Variants in LINGO1 observed in about 807,000 individuals in gnomAD.
LINGO1 encodes leucine-rich repeat and immunoglobulin-like domain-containing nogo receptor-interacting protein 1.
In LINGO1, 11 loss-of-function variants were observed where a neutral mutation model predicts 37.3. The observed-to-expected ratio is 0.29, with a 90% confidence interval of 0.19 to 0.49. LINGO1 has a LOEUF of 0.49. Among genes scored for constraint, LINGO1 ranks in the 20% least tolerant of loss-of-function variants. The pLI, the probability that LINGO1 is intolerant of heterozygous loss-of-function variation, is 0.99. For synonymous variants in LINGO1, 387 were observed against 403.0 expected (o/e 0.96, Z 0.48); for missense variants, 585 against 878.2 (o/e 0.67, Z 4.22).
rs1486088482 is a variant in LINGO1 at position 77,664,158 on chromosome 15, T to C, written c.-13+12931A>G. Reference sequence around the variant, plus strand: ...GTGTGTGTGTGTGTGTGTGTGTGTGTGTGTGTGTGTGTGCGCGCGCGCATG... The same window carrying C: ...GTGTGTGTGTGTGTGTGTGTGTGTGCGTGTGTGTGTGTGCGCGCGCGCATG... On this transcript the variant is annotated intron_variant, in intron 3 of 3. Transcript: ENST00000559893. Among the ~76,000 whole-genome samples the C allele has an allele frequency of 3.1e-3, 380 of 120,748 alleles. 1 individual carries two copies. The highest frequency in any genetic ancestry group is 3.4e-3 in the Non-Finnish European group (187 of 54,458). 79.2% of individuals were successfully genotyped at this position (120,748 alleles called of 152,430 possible). A position where few individuals can be genotyped will look rare whatever the true frequency, so the allele number is the denominator to read the frequency against.
At chr15:77,789,739 C>T (rs1223723295), upstream of LINGO1, among the ~76,000 whole-genome samples, 1 of 152,188 alleles carries the variant, frequency 6.6e-6, no homozygotes, top group Non-Finnish European at 1.5e-5. Flanking sequence ...TCCTTCACAG[C>T]CTTTGGAGGC....
At chr15:77,652,367 T>A (rs768504499) in intron 3 of LINGO1, 1 of 152,040 alleles carries the variant, frequency 6.6e-6, no homozygotes, top group Admixed American at 6.5e-5. Flanking sequence ...CTTGAAAGCG[T>A]CTCTGGGGCT....
At chr15:77,724,055 T>C (rs188994124) in intron 2 of LINGO1, among the ~76,000 whole-genome samples, 20 of 152,234 alleles carry the variant, frequency 1.3e-4, no homozygotes, top group Admixed American at 7.8e-4. Flanking sequence ...GGGCTATATA[T>C]AGTGGGCACA....
At chr15:77,734,210 A>G (rs1054234253) in intron 2 of LINGO1, among the ~76,000 whole-genome samples, 5 of 152,000 alleles carry the variant, frequency 3.3e-5, no homozygotes, top group Admixed American at 6.6e-5. Flanking sequence ...CGTCTCCCCA[A>G]CTTCACACCC....
chr15:77,686,244 C>T (rs2075508570), intron 2 of LINGO1, among the ~76,000 whole-genome samples: 1 of 152,196 alleles, frequency 6.6e-6, no homozygotes, highest in South Asian at 2.1e-4. Flanking sequence ...CTCCGAGAAC[C>T]TCAACCGTGC....
intron 2 of LINGO1, among the ~76,000 whole-genome samples, chr15:77,732,791 C>T (rs889011962): frequency 2.0e-5 from 3 of 152,240 alleles, no homozygotes; most frequent in African/African-American, 7.2e-5. Context: ...ATAATGCCTC[C>T]TTCCCGGCTC....
chr15:77,655,286 G>C (rs2074843152), intron 3 of LINGO1, among the ~76,000 whole-genome samples: 1 of 152,212 alleles, frequency 6.6e-6, no homozygotes, highest in Non-Finnish European at 1.5e-5. Context: ...GGCCAGTTCT[G>C]CTTTGGAGCT....
At chr15:77,725,554 C>T (rs1456441212) in intron 2 of LINGO1, among the ~76,000 whole-genome samples, 2 of 152,204 alleles carry the variant, frequency 1.3e-5, no homozygotes, top group Non-Finnish European at 2.9e-5. Context: ...CAGAGCAAGA[C>T]CCTGTCTCCA....
In LINGO1 at chr15:77,742,793, A is replaced by G. The variant is rs535153658; in HGVS notation, c.-256-7740T>C. 1.8e-4 allele frequency among the ~76,000 whole-genome samples: 28 copies of G among 152,340 alleles called. No homozygotes were observed. The South Asian group carries it at 1.9e-3, about 10-fold the overall frequency. ...GCACGGCCAGCTTCACCTTTGGCAGAGACTGTAGAAGAGAGCCTGCCAAAA... is the reference window on the plus strand; with the variant it reads ...GCACGGCCAGCTTCACCTTTGGCAGGGACTGTAGAAGAGAGCCTGCCAAAA... On this transcript the variant is annotated intron_variant, in intron 1 of 3. Transcript: ENST00000561686.
upstream of LINGO1, among the ~76,000 whole-genome samples, chr15:77,634,581 C>T (rs75197998): frequency 0.019 from 2,958 of 152,298 alleles, 45 homozygotes; most frequent in Middle Eastern, 0.058. Flanking sequence ...GGAAAGGGAA[C>T]TGGACTCGTC....
At chr15:77,694,997 CT>C (rs374103622) in intron 1 of LINGO1, among the ~76,000 whole-genome samples, 24 of 150,446 alleles carry the variant, frequency 1.6e-4, no homozygotes, top group Admixed American at 3.3e-4. Flanking sequence ...TCGGGATAAT[CT>C]TTTTTTTTTA....
intron 1 of LINGO1, among the ~76,000 whole-genome samples, chr15:77,739,903 C>T (rs11637968): frequency 0.16 from 23,671 of 152,304 alleles, 2,348 homozygotes; most frequent in Admixed American, 0.3. Flanking sequence ...GCAGCCCCTC[C>T]AGCCAGTTGC....
At chr15:77,675,282 C>T (rs993882598) in intron 3 of LINGO1, among the ~76,000 whole-genome samples, 1 of 152,174 alleles carries the variant, frequency 6.6e-6, no homozygotes, top group Non-Finnish European at 1.5e-5. Flanking sequence ...TTTCCAGAAA[C>T]ATTCCCAAAA....
chr15:77,751,915 G>T (rs2141367957), intron 1 of LINGO1, among the ~76,000 whole-genome samples: 1 of 152,244 alleles, frequency 6.6e-6, no homozygotes, highest in Middle Eastern at 3.4e-3. Flanking sequence ...AGTCCCCCCT[G>T]TGTGCCAGGT....
At chr15:77,650,338 T>C (rs2074732765) in intron 3 of LINGO1, among the ~76,000 whole-genome samples, 1 of 152,218 alleles carries the variant, frequency 6.6e-6, no homozygotes, top group Admixed American at 6.5e-5. Flanking sequence ...ATACATATTA[T>C]GTGTCGAAAG....
At chr15:77,794,306 A>G (rs970055394) in intron 2 of LINGO1, among the ~76,000 whole-genome samples, 7 of 138,964 alleles carry the variant, frequency 5.0e-5, no homozygotes, top group African/African-American at 8.3e-5. Flanking sequence ...ATATATATAC[A>G]TATATGTGTA....
chr15:77,764,918 G>T (rs2076512657), intron 1 of LINGO1, among the ~76,000 whole-genome samples: 1 of 152,172 alleles, frequency 6.6e-6, no homozygotes, highest in African/African-American at 2.4e-5. Flanking sequence ...AGGAAAGGAG[G>T]TCCATGTGGA....
In LINGO1 at chr15:77,615,124, G is replaced by A. The variant is rs538132974; in HGVS notation, c.783C>T (p.Tyr261=). The change falls in exon 2 of 2, where the codon TAC becomes TAT. Residue 261 remains tyrosine, a synonymous_variant. Coordinates refer to ENST00000355300, the MANE Select transcript of LINGO1 (RefSeq NM_032808.7). ...TGGACAGGGACGTCAGGTTGAGGCC[G>A]TAGAGGCAGTTGGGTGTCATGGTGT... ...YLDTMTPNCL[Y]GLNLTSLSIT... 1.7e-5 allele frequency: 28 copies of A among 1,614,036 alleles called. No individual in the cohort carries two copies. The African/African-American group carries it at 1.9e-4, about 11-fold the overall frequency.
intron 2 of LINGO1, among the ~76,000 whole-genome samples, chr15:77,719,972 G>A (rs1362569712): frequency 6.7e-6 from 1 of 150,222 alleles, no homozygotes; most frequent in African/African-American, 2.4e-5. Context: ...AGGAACTGAG[G>A]CTGGGGACAG....
Sources: gnomAD v4.1 joint callset for allele counts (sites outside exome capture counted in the v4.1 genomes callset) on GRCh38, gnomAD v4.1.1 for gene constraint, MANE v1.5 for transcripts, NCBI Gene and HGNC (gene_info 2026-07-23, HGNC 2026-07-21) for gene names.